GMDS: variants seen among roughly 807,000 people sequenced by gnomAD.
The protein encoded by GMDS is GDP-mannose 4,6-dehydratase.
Under a neutral mutation model 49.9 loss-of-function variants are expected in GMDS, and 20 were observed. The observed-to-expected ratio is 0.40, with a 90% CI of 0.28 to 0.58. The LOEUF is 0.58. Among genes scored for constraint, GMDS ranks in the 20% least tolerant of loss-of-function variants. The probability of loss-of-function intolerance (pLI) is 0.42; values close to 1 mark genes in which losing one functional copy is unlikely to be tolerated. For synonymous variants in GMDS, 177 were observed against 178.6 expected, an observed-to-expected ratio of 0.99 and a Z score of 0.07; for missense variants, 362 against 481.4, an observed-to-expected ratio of 0.75 and a Z score of 2.32.
intron 6 of GMDS, among the ~76,000 whole-genome samples, chr6:1,942,979 C>A (rs1469949054): frequency 6.6e-6 from 1 of 152,228 alleles, no homozygotes; most frequent in Non-Finnish European, 1.5e-5. Context: ...TCTTCCTGCT[C>A]TGCACCTGTC....
rs1286542291 is a variant in GMDS at position 2,038,974 on chromosome 6, G to A, written c.345+76797C>T. Among the ~76,000 whole-genome samples, 8 of 152,138 alleles carry A rather than the reference G, an allele frequency of 5.3e-5. No homozygotes were observed. The East Asian group carries it at 1.3e-3, about 26-fold the overall frequency. ...TCACATAACAGCGGGGATACATTCT[G>A]AGAAATGTGTCACTAGGCAATTTCA... On this transcript the variant is annotated intron_variant, in intron 4 of 10. Coordinates refer to ENST00000380815, the MANE Select transcript of GMDS (RefSeq NM_001500.4).
At chr6:1,704,611 C>G (rs974319315) in intron 9 of GMDS, among the ~76,000 whole-genome samples, 19 of 152,206 alleles carry the variant, frequency 1.2e-4, no homozygotes, top group Admixed American at 8.5e-4. Flanking sequence ...TGTGATGTCA[C>G]TGAAAAGAGT....
chr6:1,828,064 A>T (rs757447583), intron 7 of GMDS, among the ~76,000 whole-genome samples: 2 of 152,172 alleles, frequency 1.3e-5, no homozygotes, highest in African/African-American at 2.4e-5. Context: ...AAAACAATGT[A>T]TGAACAAAAT....
In GMDS at chr6:1,833,216, T is replaced by C. The variant is rs1581235736; in HGVS notation, c.772-90630A>G. On this transcript the variant is annotated intron_variant, in intron 7 of 10. Transcript: ENST00000380815. The surrounding 1 kb of genome is among the most constrained non-coding windows in gnomAD (Gnocchi z 4.4). ...TCAGGCACATTAATCAGCAGGGGAATTGGCCAAATGTCGTCTCCCGCTGGG... is the reference window on the plus strand; with the variant it reads ...TCAGGCACATTAATCAGCAGGGGAACTGGCCAAATGTCGTCTCCCGCTGGG... Among the ~76,000 whole-genome samples, 2 of 150,474 alleles carry C rather than the reference T, an allele frequency of 1.3e-5. No individual in the cohort carries two copies. The highest frequency in any genetic ancestry group is 6.7e-5 in the Admixed American group (1 of 14,994).
intron 7 of GMDS, among the ~76,000 whole-genome samples, chr6:1,758,652 A>C (rs1581147963): frequency 6.6e-6 from 1 of 152,204 alleles, no homozygotes; most frequent in East Asian, 1.9e-4. Flanking sequence ...GAGCTGGAGA[A>C]TGTGCAAGTT....
At chr6:1,840,142 T>A (rs963352156) in intron 7 of GMDS, among the ~76,000 whole-genome samples, 1 of 152,216 alleles carries the variant, frequency 6.6e-6, no homozygotes. Flanking sequence ...GTTCTTGAAA[T>A]GTATTTTAAT....
chr6:1,917,861 G>T (rs1226520438), intron 7 of GMDS, among the ~76,000 whole-genome samples: 1 of 152,176 alleles, frequency 6.6e-6, no homozygotes, highest in Non-Finnish European at 1.5e-5. Flanking sequence ...AGAAGCTGGA[G>T]GACGGACCCA....
At chr6:2,099,417 T>C (rs1197751807) in intron 4 of GMDS, among the ~76,000 whole-genome samples, 1 of 152,074 alleles carries the variant, frequency 6.6e-6, no homozygotes, top group Non-Finnish European at 1.5e-5. Context: ...GCACAACAGG[T>C]TCTACTGTAA....
At chr6:2,166,509 G>A (rs979014390) in intron 1 of GMDS, among the ~76,000 whole-genome samples, 3 of 152,140 alleles carry the variant, frequency 2.0e-5, no homozygotes, top group Non-Finnish European at 4.4e-5. Context: ...ATTACACAAG[G>A]ACATCTGAAA....
intron 4 of GMDS, among the ~76,000 whole-genome samples, chr6:2,096,065 A>C (rs180908650): frequency 4.1e-4 from 62 of 152,296 alleles, no homozygotes; most frequent in Non-Finnish European, 7.8e-4. Context: ...CTGAATGGAC[A>C]AAGGATAGGA....
At chr6:1,907,905 G>A (rs748146558) in intron 7 of GMDS, among the ~76,000 whole-genome samples, 5 of 152,088 alleles carry the variant, frequency 3.3e-5, no homozygotes, top group South Asian at 4.2e-4. Context: ...ATACCAAACC[G>A]TACACACACG....
intron 7 of GMDS, among the ~76,000 whole-genome samples, chr6:1,765,155 T>A (rs957723146): frequency 1.8e-4 from 28 of 152,054 alleles, no homozygotes; most frequent in African/African-American, 6.3e-4. Context: ...AAAAAAAAAA[T>A]TTACAACAGA....
intron 1 of GMDS, among the ~76,000 whole-genome samples, chr6:2,195,170 G>C (rs187796142): frequency 5.7e-4 from 87 of 152,172 alleles, no homozygotes; most frequent in Non-Finnish European, 1.1e-3. Context: ...TTAGTATAAA[G>C]AAAAAACGGA....
intron 4 of GMDS, among the ~76,000 whole-genome samples, chr6:2,006,407 C>T (rs1218722954): frequency 6.6e-6 from 1 of 151,990 alleles, no homozygotes; most frequent in Non-Finnish European, 1.5e-5. Flanking sequence ...CTGCCTGAAC[C>T]ACACAGCAAG....
At position 2,029,951 on chromosome 6, in the gene GMDS, C is replaced by T. The variant is rs140180664; in HGVS notation, c.346-68985G>A. Reference sequence around the variant, plus strand: ...CTGGGGGCCTCCTAAGGATTTTACTCGGTCCTAGTCAAACCTCTACAATAA... The same window carrying T: ...CTGGGGGCCTCCTAAGGATTTTACTTGGTCCTAGTCAAACCTCTACAATAA... On this transcript the variant is annotated intron_variant, in intron 4 of 10. Coordinates refer to ENST00000380815, the MANE Select transcript of GMDS (RefSeq NM_001500.4). Among the ~76,000 whole-genome samples the T allele has an allele frequency of 1.2e-4, 19 of 152,212 alleles. No individual in the cohort carries two copies. In the East Asian group the frequency reaches 2.9e-3, roughly 23 times the overall value.
At chr6:1,886,150 A>G (rs1759595683) in intron 7 of GMDS, among the ~76,000 whole-genome samples, 1 of 152,218 alleles carries the variant, frequency 6.6e-6, no homozygotes, top group African/African-American at 2.4e-5. Context: ...CTCTTAAAAT[A>G]TAACATTAAT....
chr6:1,724,785 T>C (rs1047903676), intron 9 of GMDS, among the ~76,000 whole-genome samples: 6 of 152,140 alleles, frequency 3.9e-5, no homozygotes, highest in African/African-American at 1.4e-4. Flanking sequence ...GGCATCTTCC[T>C]CCCTGAGGGC....
At chr6:2,040,417 T>C (rs1192061200) in intron 4 of GMDS, among the ~76,000 whole-genome samples, 1 of 152,214 alleles carries the variant, frequency 6.6e-6, no homozygotes, top group Non-Finnish European at 1.5e-5. Flanking sequence ...AATTAGAGGC[T>C]AGTTACTATC....
At chr6:1,856,275 A>G (rs1260337502) in intron 7 of GMDS, among the ~76,000 whole-genome samples, 1 of 152,208 alleles carries the variant, frequency 6.6e-6, no homozygotes, top group Non-Finnish European at 1.5e-5. Context: ...AACTCTCTTT[A>G]TAATTCACAC....
Sources: gnomAD v4.1 joint callset for allele counts (sites outside exome capture counted in the v4.1 genomes callset) on GRCh38, gnomAD v4.1.1 for gene constraint, Gnocchi (gnomAD v3.1) non-coding constraint, MANE v1.5 for transcripts, NCBI Gene and HGNC (gene_info 2026-07-23, HGNC 2026-07-21) for gene names.